Variants in PSG3 observed in about 807,000 individuals in gnomAD.
PSG3 encodes the protein pregnancy specific beta-1-glycoprotein 3.
Under a neutral mutation model 47.5 loss-of-function variants are expected in PSG3, and 61 were observed. The observed-to-expected ratio is 1.28, with a 90% CI of 1.05 to 1.59. The LOEUF is 1.59. Among genes scored for constraint, PSG3 ranks in the 40% most tolerant of loss-of-function variants. PSG3 has a pLI of 0.00. For missense variants in PSG3, 756 were observed against 524.0 expected (o/e 1.44, Z -4.32); for synonymous variants, 263 against 198.4 (o/e 1.33, Z -2.74).
chr19:42,734,330 A>G (rs1288536550), intron 2 of PSG3: 1 of 152,222 alleles, frequency 6.6e-6, no homozygotes, highest in Non-Finnish European at 1.5e-5. Context: ...AAAATTTAAA[A>G]TCCACAATGC....
rs1969620280 is a variant in PSG3, at chr19:42,739,072, A to G, written c.82T>C (p.Trp28Arg). ...LLLTALLLNF[W>R]NLPTTAQVTI... ...ACTTGGGCAGTGGTAGGCAAGTTCCAGAAGTTTAAAAGTAATGCTAGGAGG... is the reference window on the plus strand; with the variant it reads ...ACTTGGGCAGTGGTAGGCAAGTTCCGGAAGTTTAAAAGTAATGCTAGGAGG... The change falls in exon 2 of 7, where the codon TGG (tryptophan) becomes CGG (arginine). Residue 28 changes from tryptophan (W) to arginine (R), a missense_variant. Physicochemically the swap from Trp to Arg is moderately radical, Grantham distance 101 (BLOSUM62 -3). Coordinates refer to ENST00000327495, the MANE Select transcript of PSG3 (RefSeq NM_021016.4). 1.2e-6 allele frequency: 2 copies of G among 1,605,566 alleles called. No individual in the cohort carries two copies. Among genetic ancestry groups the G allele is most frequent in the Non-Finnish European group, 8.5e-7 (1 of 1,173,054 alleles).
chr19:42,735,288 A>G (rs1969544634), intron 2 of PSG3, among the ~76,000 whole-genome samples: 1 of 152,136 alleles, frequency 6.6e-6, no homozygotes, highest in Non-Finnish European at 1.5e-5. Flanking sequence ...TTCTATTGAC[A>G]TATCCTCAAG....
rs528748084 is a variant in PSG3 at position 42,738,853 on chromosome 19, C to T, written c.301G>A (p.Val101Ile). ...YGPAYSGRET[V>I]YSNASLLIQN... ...ATCAGCAGGGATGCATTGGAATATA[C>T]TGTTTCTCGTCCACTGTATGCAGGC... Residue 101 changes from valine (V) to isoleucine (I), a missense_variant, in exon 2 of 7, where the codon GTA becomes ATA. Coordinates refer to ENST00000327495, the MANE Select transcript of PSG3 (RefSeq NM_021016.4). 75 of 1,614,138 alleles carry T rather than the reference C, an allele frequency of 4.6e-5. No individual in the cohort carries two copies. The highest frequency in any genetic ancestry group is 3.9e-4 in the African/African-American group (29 of 75,038).
rs761533968 is a variant in PSG3 at position 42,740,365 on chromosome 19, G to A, written c.20C>T (p.Pro7Leu). 6 of 1,613,872 alleles carry A rather than the reference G, an allele frequency of 3.7e-6. No individual in the cohort carries two copies. In the African/African-American group the frequency reaches 6.7e-5, roughly 18 times the overall value. The part of the protein sequence containing the change: MGPLSA[P>L]PCTQRITWKG... ...CCAGGTGATGCGCTGTGTGCAGGGA[G>A]GGGCTGAGAGGGGCCCCATGGTCTC... Residue 7 changes from proline to leucine, a missense_variant, in exon 1 of 7, where the codon CCT (proline) becomes CTT (leucine). By Grantham distance (98) the Pro-to-Leu change is moderately conservative. Coordinates refer to ENST00000327495, the MANE Select transcript of PSG3 (RefSeq NM_021016.4).
intron 2 of PSG3, among the ~76,000 whole-genome samples, chr19:42,736,482 T>C (rs1158747022): frequency 1.3e-5 from 2 of 152,154 alleles, no homozygotes. Flanking sequence ...CCTGAAACTA[T>C]CCTTGAAAAT....
chr19:42,735,046 T>C (rs982904495), intron 2 of PSG3, among the ~76,000 whole-genome samples: 3 of 152,216 alleles, frequency 2.0e-5, no homozygotes, highest in East Asian at 3.8e-4. Flanking sequence ...GAAACAGTTG[T>C]ATGTGGCACA....
chr19:42,728,989 C>T, intron 5 of PSG3, 134 bp downstream of exon 5: 1 of 1,575,588 alleles, frequency 6.3e-7, no homozygotes, highest in Non-Finnish European at 8.6e-7. Context: ...TGGGAGGGTT[C>T]AGGAGGAGAA....
chr19:42,727,698 G>C (rs1342672907), intron 5 of PSG3, among the ~76,000 whole-genome samples: 1 of 152,232 alleles, frequency 6.6e-6, no homozygotes, highest in Non-Finnish European at 1.5e-5. Context: ...TATAGCCACT[G>C]TAAGAAGTGG....
Position 42,721,907 on chromosome 19 carries a change from C to T in PSG3, c.*224G>A, listed in dbSNP as rs1486762011. On this transcript the variant is annotated 3_prime_UTR_variant, in exon 7 of 7. Coordinates refer to ENST00000327495, the MANE Select transcript of PSG3 (RefSeq NM_021016.4). ...GGGTTTTTTTCTTTGTCTTGAATTTCATGAAGTATCAGCCTGTTCATTAAA... is the reference window on the plus strand; with the variant it reads ...GGGTTTTTTTCTTTGTCTTGAATTTTATGAAGTATCAGCCTGTTCATTAAA... 4.8e-6 allele frequency: 2 copies of T among 415,030 alleles called. 1 individual carries two copies. The highest frequency in any genetic ancestry group is 8.8e-5 in the Admixed American group (2 of 22,726). The allele number at this position is 415,030 out of a possible 1,614,324, so 25.7% of individuals were successfully genotyped here.
At chr19:42,729,463 T>G in intron 4 of PSG3, 86 bp from the exon 5 acceptor site, 3 of 1,541,938 alleles carry the variant, frequency 1.9e-6, no homozygotes, top group Non-Finnish European at 2.6e-6. Flanking sequence ...AGTGACCCTC[T>G]GAGCCAAGAC....
At chr19:42,731,191 G>A (rs1969467838) in intron 3 of PSG3, among the ~76,000 whole-genome samples, 1 of 152,228 alleles carries the variant, frequency 6.6e-6, no homozygotes, top group African/African-American at 2.4e-5. Context: ...AGAGCTTGAT[G>A]CCTATAGTTC....
intron 3 of PSG3, chr19:42,732,503 C>A: frequency 1.4e-6 from 1 of 718,666 alleles, no homozygotes; most frequent in Non-Finnish European, 2.2e-6. Flanking sequence ...CCAGCCAAAT[C>A]CCTGCTGTGT....
At chr19:42,735,409 T>C (rs977701402) in intron 2 of PSG3, among the ~76,000 whole-genome samples, 6 of 152,044 alleles carry the variant, frequency 3.9e-5, no homozygotes, top group Non-Finnish European at 5.9e-5. Context: ...CTCTGTCACC[T>C]AGGCTGGAGT....
chr19:42,725,890 CAAA>C (rs200684147), intron 5 of PSG3, among the ~76,000 whole-genome samples: 7 of 68,044 alleles, frequency 1.0e-4, no homozygotes, highest in African/African-American at 3.1e-4. Context: ...CAACAACAAC[CAAA>C]AAAAAAAAAA....
At chr19:42,730,121 C>T (rs1385110578) in intron 3 of PSG3, 65 bp from the exon 4 acceptor site, 8 of 1,595,356 alleles carry the variant, frequency 5.0e-6, no homozygotes, top group African/African-American at 1.3e-5. Context: ...TGGCATCCTT[C>T]AATCAGAGTT....
chr19:42,738,622 A>G (rs1191544711), intron 2 of PSG3, 102 bp downstream of exon 2: 2 of 1,602,016 alleles, frequency 1.2e-6, no homozygotes, highest in East Asian at 2.2e-5. Flanking sequence ...CATGGGACAT[A>G]ATGCAGAGAG....
chr19:42,736,632 GTGTGTGT>G (rs1969568153), intron 2 of PSG3, among the ~76,000 whole-genome samples: 1 of 151,322 alleles, frequency 6.6e-6, no homozygotes, highest in Non-Finnish European at 1.5e-5. Context: ...GTGTGTGTGT[GTGTGTGT>G]GTGTGTGTGT....
intron 3 of PSG3, among the ~76,000 whole-genome samples, chr19:42,730,934 A>G (rs1365691783): frequency 6.6e-6 from 1 of 152,228 alleles, no homozygotes; most frequent in Non-Finnish European, 1.5e-5. Context: ...GTCCTCATGG[A>G]CCATATGTGT....
intron 2 of PSG3, chr19:42,734,050 A>C (rs1179976759): frequency 6.6e-6 from 1 of 152,122 alleles, no homozygotes; most frequent in Non-Finnish European, 1.5e-5. Context: ...TATGTACCTG[A>C]TATCAGTGGA....
Sources: gnomAD v4.1 joint callset for allele counts (sites outside exome capture counted in the v4.1 genomes callset) on GRCh38, gnomAD v4.1.1 for gene constraint, MANE v1.5 for transcripts, NCBI Gene and HGNC (gene_info 2026-07-23, HGNC 2026-07-21) for gene names.